TSPAN16: variants seen among roughly 807,000 people sequenced by gnomAD.
TSPAN16 encodes the protein tetraspanin-16.
TSPAN16 carries 23 observed loss-of-function variants against 25.2 expected under a neutral mutation model. That is an observed-to-expected ratio of 0.91 (90% CI 0.66 to 1.29). The LOEUF is 1.29. TSPAN16 is among the 50% of genes most tolerant of loss of function. The pLI is 0.00. For missense variants in TSPAN16, 272 were observed against 299.9 expected (o/e 0.91, Z 0.69); for synonymous variants, 123 against 124.4 (o/e 0.99, Z 0.08).
intron 5 of TSPAN16, among the ~76,000 whole-genome samples, chr19:11,309,377 A>G (rs1320694919): frequency 6.6e-6 from 1 of 152,190 alleles, no homozygotes; most frequent in African/African-American, 2.4e-5. Context: ...ACTGGGCCCT[A>G]CACAACCTAC....
At position 11,308,347 on chromosome 19, in the gene TSPAN16, G is replaced by A. The variant is rs978275848; in HGVS notation, c.603+1591G>A. Among the ~76,000 whole-genome samples, 4 of 152,166 alleles carry A rather than the reference G, an allele frequency of 2.6e-5. No homozygotes were observed. In the East Asian group the frequency reaches 7.7e-4, roughly 29 times the overall value. On this transcript the variant is annotated intron_variant, in intron 5 of 6. Coordinates refer to ENST00000590327, the MANE Select transcript of TSPAN16 (RefSeq NM_001282509.2). ...GGAGTCTTGCTCTATCACCCAGACT[G>A]GAGTGCAGTGGCGCAATCTCGACTC... is the stretch of plus-strand genomic sequence containing the variant.
At chr19:11,321,525 G>A (rs2080779678) in intron 6 of TSPAN16, among the ~76,000 whole-genome samples, 3 of 152,200 alleles carry the variant, frequency 2.0e-5, no homozygotes, top group Non-Finnish European at 4.4e-5. Context: ...TATCAACTGT[G>A]ACTACCTTGG....
At chr19:11,317,899 A>AT (rs1476026842), downstream of TSPAN16, among the ~76,000 whole-genome samples, 1 of 151,264 alleles carries the variant, frequency 6.6e-6, no homozygotes, top group Non-Finnish European at 1.5e-5. Flanking sequence ...GGTTTTGGTT[A>AT]TTTACCCTGT....
chr19:11,326,274 G>A (rs112585859), intron 6 of TSPAN16, among the ~76,000 whole-genome samples: 12,570 of 151,704 alleles, frequency 0.083, 1,020 homozygotes, highest in African/African-American at 0.21. Context: ...TCAGCTACTC[G>A]GAAGGTTAAG....
chr19:11,315,641 A>C, intron 6 of TSPAN16, 150 bp from the exon 7 acceptor site: 1 of 436,280 alleles, frequency 2.3e-6, no homozygotes, highest in Non-Finnish European at 3.8e-6. Context: ...AGTGGCTCCA[A>C]CTTAGCCCAG....
chr19:11,312,081 A>G, intron 5 of TSPAN16, 58 bp from the exon 6 acceptor site: 1 of 1,333,386 alleles, frequency 7.5e-7, no homozygotes, highest in Non-Finnish European at 1.1e-6. Flanking sequence ...GTTGATGGGG[A>G]CTTGCAATCC....
chr19:11,305,350 C>A (rs1005562129), intron 4 of TSPAN16, among the ~76,000 whole-genome samples: 1 of 151,394 alleles, frequency 6.6e-6, no homozygotes. Context: ...GCCAACATAG[C>A]GAAACCCCGT....
At chr19:11,315,970 T>A (rs1459633498), downstream of TSPAN16, 2 of 1,227,222 alleles carry the variant, frequency 1.6e-6, no homozygotes, top group Non-Finnish European at 2.0e-6. Flanking sequence ...GAACCCCCTG[T>A]CCAGCCTGAC....
intron 5 of TSPAN16, among the ~76,000 whole-genome samples, chr19:11,309,349 C>T (rs1043831557): frequency 1.3e-5 from 2 of 152,200 alleles, no homozygotes; most frequent in Non-Finnish European, 2.9e-5. Context: ...GAGACAGACA[C>T]GGGCCAGACA....
At chr19:11,314,335 A>G (rs947049028) in intron 6 of TSPAN16, among the ~76,000 whole-genome samples, 5 of 152,166 alleles carry the variant, frequency 3.3e-5, no homozygotes, top group Non-Finnish European at 7.4e-5. Flanking sequence ...GGTAACCTGT[A>G]TAGTCTATCA....
intron 3 of TSPAN16, among the ~76,000 whole-genome samples, chr19:11,299,411 C>T (rs924758054): frequency 1.3e-5 from 2 of 152,162 alleles, no homozygotes; most frequent in African/African-American, 4.8e-5. Flanking sequence ...AGCTGAAATC[C>T]TCAGCCTGCC....
At chr19:11,325,303 T>C (rs2080805159) in intron 6 of TSPAN16, 3 of 766,632 alleles carry the variant, frequency 3.9e-6, no homozygotes, top group South Asian at 1.7e-5. Context: ...AGGGAAGGGA[T>C]TGCCCTGAGC....
At chr19:11,319,051 T>G (rs1254511113), downstream of TSPAN16, among the ~76,000 whole-genome samples, 1 of 152,226 alleles carries the variant, frequency 6.6e-6, no homozygotes, top group African/African-American at 2.4e-5. Flanking sequence ...GTTCTACAAT[T>G]CAGTTCTGAC....
chr19:11,301,519 A>C (rs2080549195), intron 4 of TSPAN16, among the ~76,000 whole-genome samples: 1 of 151,732 alleles, frequency 6.6e-6, no homozygotes, highest in South Asian at 2.1e-4. Flanking sequence ...AGGCATCTGT[A>C]GTCTCAGCTA....
At chr19:11,302,597 A>G in intron 4 of TSPAN16, among the ~76,000 whole-genome samples, 1 of 146,108 alleles carries the variant, frequency 6.8e-6, no homozygotes, top group Non-Finnish European at 1.5e-5. Flanking sequence ...ATATATACAT[A>G]TATATTTATA....
At chr19:11,299,006 A>C in intron 3 of TSPAN16, 60 bp downstream of exon 3, 3 of 1,543,822 alleles carry the variant, frequency 1.9e-6, no homozygotes, top group Non-Finnish European at 1.8e-6. Flanking sequence ...AAGGACGGGC[A>C]CAGTGGCTCA....
chr19:11,325,805 G>A (rs1473733876), intron 6 of TSPAN16, among the ~76,000 whole-genome samples: 2 of 152,162 alleles, frequency 1.3e-5, no homozygotes, highest in African/African-American at 2.4e-5. Flanking sequence ...CAGGCGCAGG[G>A]GCTTATGCCT....
chr19:11,320,738 C>G (rs920692940), downstream of TSPAN16, among the ~76,000 whole-genome samples: 1 of 151,040 alleles, frequency 6.6e-6, no homozygotes, highest in African/African-American at 2.4e-5. Context: ...GATTGCAGTA[C>G]TAAATCAGGG....
intron 3 of TSPAN16, 24 bp downstream of exon 3, chr19:11,298,970 A>G (rs1323470664): frequency 1.2e-6 from 2 of 1,609,338 alleles, no homozygotes; most frequent in Non-Finnish European, 1.7e-6. Context: ...TGCTCCTCCC[A>G]CATAGCATTA....
Sources: allele counts gnomAD v4.1 joint callset (sites outside exome capture counted in the v4.1 genomes callset), GRCh38; gene constraint gnomAD v4.1.1; transcripts MANE v1.5; gene names NCBI Gene and HGNC (gene_info 2026-07-23, HGNC 2026-07-21).